The following PCDH7 variants were observed in gnomAD, a reference collection of about 807,000 sequenced individuals.
PCDH7 encodes the protein protocadherin 7.
Under a neutral mutation model 58.9 loss-of-function variants are expected in PCDH7, and 17 were observed. The ratio of observed to expected loss-of-function variants is 0.29; its 90% confidence interval spans 0.20 to 0.43. The LOEUF (loss-of-function observed/expected upper bound fraction) is 0.43. PCDH7 is among the 20% of genes least tolerant of loss of function. PCDH7 has a pLI of 1.00. For missense variants in PCDH7, 1,274 were observed against 1,441.0 expected, an observed-to-expected ratio of 0.88 and a Z score of 1.88; for synonymous variants, 664 against 616.4, an observed-to-expected ratio of 1.08 and a Z score of -1.14.
chr4:31,099,873 G>A (rs548753963), intron 3 of PCDH7, among the ~76,000 whole-genome samples: 3 of 152,120 alleles, frequency 2.0e-5, no homozygotes, highest in African/African-American at 7.2e-5. Context: ...GGTTATATTT[G>A]CATATACCTG....
In PCDH7 at chr4:30,723,076, G is replaced by C. The variant is rs768781150; in HGVS notation, c.1654G>C (p.Glu552Gln). 3 of 1,613,870 alleles carry C rather than the reference G, an allele frequency of 1.9e-6. No individual in the cohort carries two copies. The highest frequency in any genetic ancestry group is 2.2e-5 in the South Asian group (2 of 91,086). Residue 552 changes from glutamate (E) to glutamine (Q), a missense_variant, in exon 1 of 2, where the codon GAG (glutamate) becomes CAG (glutamine). By Grantham distance (29) the Glu-to-Gln change is conservative. Transcript: ENST00000361762. This position sits in a 1 kb window ranked among gnomAD's most constrained non-coding sequence, Gnocchi z 4.6. ...CTTCCCTGAGAACAACATCCCGGGC[G>C]AGAGGGTGGCCACGGTGCTGGCGAC... is the stretch of plus-strand genomic sequence containing the variant.
intron 1 of PCDH7, among the ~76,000 whole-genome samples, chr4:30,811,658 C>T (rs1414236697): frequency 1.3e-5 from 2 of 152,124 alleles, no homozygotes; most frequent in Admixed American, 6.5e-5. Flanking sequence ...AGAAGAGAAA[C>T]AAGGACCTTT....
chr4:30,904,387 C>T (rs1740638039), intron 1 of PCDH7, among the ~76,000 whole-genome samples: 1 of 152,242 alleles, frequency 6.6e-6, no homozygotes, highest in East Asian at 1.9e-4. Flanking sequence ...GAATAGAATC[C>T]TCACAGTGCA....
intron 1 of PCDH7, among the ~76,000 whole-genome samples, chr4:30,751,631 T>A (rs1298911743): frequency 2.0e-5 from 3 of 152,052 alleles, no homozygotes; most frequent in Non-Finnish European, 4.4e-5. Context: ...ATATATATAT[T>A]TTGCATGGTC....
intron 3 of PCDH7, among the ~76,000 whole-genome samples, chr4:31,003,415 G>A (rs1752514691): frequency 6.6e-6 from 1 of 150,628 alleles, no homozygotes; most frequent in Admixed American, 6.6e-5. Context: ...CTACTGCCCT[G>A]TACTCCTTCT....
At chr4:30,766,750 G>A (rs1720806685) in intron 1 of PCDH7, among the ~76,000 whole-genome samples, 1 of 151,728 alleles carries the variant, frequency 6.6e-6, no homozygotes, top group Non-Finnish European at 1.5e-5. Context: ...CTATACTTTA[G>A]ACATTATTTT....
chr4:30,991,743 G>A (rs974499657), intron 3 of PCDH7, among the ~76,000 whole-genome samples: 1 of 152,072 alleles, frequency 6.6e-6, no homozygotes, highest in African/African-American at 2.4e-5. Context: ...TTGGCTTCCT[G>A]TGGTTTTAGC....
chr4:30,799,983 A>G (rs1433533988), intron 1 of PCDH7, among the ~76,000 whole-genome samples: 1 of 151,450 alleles, frequency 6.6e-6, no homozygotes, highest in Admixed American at 6.6e-5. Context: ...CCTCCTGAGT[A>G]GCTGGGACTA....
Position 30,721,527 on chromosome 4 carries a change from G to C in PCDH7, c.105G>C (p.Arg35=). ...TGGCGGCCGCCAAGCAGCTCCTCCGGTACCGGCTGGCCGAGGAGGGCCCCG... is the reference window on the plus strand; with the variant it reads ...TGGCGGCCGCCAAGCAGCTCCTCCGCTACCGGCTGGCCGAGGAGGGCCCCG... The change falls in exon 1 of 2, where the codon CGG becomes CGC. Residue 35 remains arginine, a synonymous_variant. Transcript: ENST00000361762. The surrounding 1 kb of genome is among the most constrained non-coding windows in gnomAD (Gnocchi z 6.7). The C allele has an allele frequency of 6.2e-7, 1 of 1,600,912 alleles. No individual in the cohort carries two copies. The highest frequency in any genetic ancestry group is 1.1e-5 in the South Asian group (1 of 90,988).
chr4:30,770,364 T>C (rs890747706), intron 1 of PCDH7, among the ~76,000 whole-genome samples: 2 of 152,202 alleles, frequency 1.3e-5, no homozygotes, highest in African/African-American at 4.8e-5. Context: ...TCCTTAGTTA[T>C]GGGAATGTGG....
chr4:30,969,564 A>G (rs1749367317), intron 3 of PCDH7, among the ~76,000 whole-genome samples: 1 of 152,186 alleles, frequency 6.6e-6, no homozygotes. Context: ...CCATCTCTTT[A>G]GCCTCATCTC....
At chr4:30,874,833 C>T (rs1736094040) in intron 1 of PCDH7, among the ~76,000 whole-genome samples, 1 of 151,934 alleles carries the variant, frequency 6.6e-6, no homozygotes, top group African/African-American at 2.4e-5. Flanking sequence ...ACCTCTGTCT[C>T]ATTAAAGTAT....
chr4:30,919,810 T>C (rs2109414440), intron 1 of PCDH7, among the ~76,000 whole-genome samples: 1 of 152,296 alleles, frequency 6.6e-6, no homozygotes, highest in Admixed American at 6.5e-5. Context: ...CTTGTTTTTT[T>C]AGAGGCCATT....
intron 3 of PCDH7, among the ~76,000 whole-genome samples, chr4:31,036,593 A>T (rs930623982): frequency 6.6e-6 from 1 of 152,214 alleles, no homozygotes; most frequent in Non-Finnish European, 1.5e-5. Flanking sequence ...TACAAAGAGA[A>T]AATTGAATTA....
At chr4:30,851,609 T>G (rs564992352) in intron 1 of PCDH7, among the ~76,000 whole-genome samples, 1 of 152,184 alleles carries the variant, frequency 6.6e-6, no homozygotes, top group South Asian at 2.1e-4. Flanking sequence ...TTTGTAACTG[T>G]ATGACCAAAA....
Position 30,721,439 on chromosome 4 carries a change from C to T in PCDH7, c.17C>T (p.Thr6Ile). 2 of 1,526,440 alleles carry T rather than the reference C, an allele frequency of 1.3e-6. No homozygotes were observed. Among genetic ancestry groups the T allele is most frequent in the South Asian group, 1.3e-5 (1 of 79,790 alleles). The allele number at this position is 1,526,440 out of a possible 1,614,324, so 94.6% of individuals were successfully genotyped here. A position where few individuals can be genotyped will look rare whatever the true frequency, so the allele number is the denominator to read the frequency against. The change falls in exon 1 of 2, where the codon ACC becomes ATC. Residue 6 changes from threonine to isoleucine, a missense_variant. Thr to Ile is a moderately conservative substitution (Grantham distance 89). Transcript: ENST00000361762. This position sits in a 1 kb window ranked among gnomAD's most constrained non-coding sequence, Gnocchi z 6.7. ...CAGGAGAAGATGCTGAGGATGCGGACCGCGGGATGGGCGCGCGGCTGGTGC... is the reference window on the plus strand; with the variant it reads ...CAGGAGAAGATGCTGAGGATGCGGATCGCGGGATGGGCGCGCGGCTGGTGC...
intron 3 of PCDH7, among the ~76,000 whole-genome samples, chr4:30,958,847 A>C (rs911553814): frequency 2.6e-5 from 4 of 152,078 alleles, no homozygotes; most frequent in Admixed American, 6.6e-5. Context: ...TTTAAGATTA[A>C]GTTTTTAAGA....
At chr4:30,982,076 C>CA (rs938093832) in intron 3 of PCDH7, among the ~76,000 whole-genome samples, 2 of 152,032 alleles carry the variant, frequency 1.3e-5, no homozygotes, top group Non-Finnish European at 2.9e-5. Flanking sequence ...TCTTACCACA[C>CA]AAAAAACGAT....
intron 3 of PCDH7, among the ~76,000 whole-genome samples, chr4:31,067,506 G>A (rs751081224): frequency 5.9e-5 from 9 of 151,818 alleles, no homozygotes; most frequent in South Asian, 2.1e-4. Context: ...TGGTATTTCC[G>A]TGGGCTGTTG....
Sources: allele counts gnomAD v4.1 joint callset (sites outside exome capture counted in the v4.1 genomes callset), GRCh38; gene constraint gnomAD v4.1.1; non-coding constraint Gnocchi (gnomAD v3.1); transcripts MANE v1.5; gene names NCBI Gene and HGNC (gene_info 2026-07-23, HGNC 2026-07-21).